CHD5: variants seen among roughly 807,000 people sequenced by gnomAD.
CHD5 encodes ATP-dependent chromatin remodeler CHD5.
Under a neutral mutation model 230.3 loss-of-function variants are expected in CHD5, and 69 were observed. The ratio of observed to expected loss-of-function variants is 0.30; its 90% CI spans 0.25 to 0.37. CHD5 has a LOEUF of 0.37. Ranked by LOEUF, CHD5 falls within the 10% of genes least tolerant of loss-of-function variation. The probability of loss-of-function intolerance (pLI) is 1.00; values close to 1 mark genes in which losing one functional copy is unlikely to be tolerated. For synonymous variants in CHD5, 1,064 were observed against 1,065.9 expected, an observed-to-expected ratio of 1.00 and a Z score of 0.03; for missense variants, 1,827 against 2,622.8, an observed-to-expected ratio of 0.70 and a Z score of 6.63.
intron 3 of CHD5, among the ~76,000 whole-genome samples, chr1:6,157,886 C>A (rs1667104610): frequency 6.6e-6 from 1 of 152,224 alleles, no homozygotes; most frequent in Non-Finnish European, 1.5e-5. Context: ...TCACAACACT[C>A]CACTGACTCA....
Position 6,130,159 on chromosome 1 carries a change from G to A in CHD5, c.3387+45C>T, listed in dbSNP as rs1160661545. The A allele has an allele frequency of 1.2e-6, 2 of 1,609,602 alleles. No homozygotes were observed. Among genetic ancestry groups the A allele is most frequent in the East Asian group, 2.2e-5 (1 of 44,750 alleles). On this transcript the variant is annotated intron_variant, in intron 22 of 41. Transcript: ENST00000262450. This position sits in a 1 kb window ranked among gnomAD's most constrained non-coding sequence, Gnocchi z 4.9. ...AGGACAGAACCTGCCTGAGGCCCGG[G>A]ATGAGAGGCCCCCTGGGAGGGTGGT...
chr1:6,106,826 G>A (rs1666177801), intron 38 of CHD5, 47 bp from the exon 39 acceptor site: 1 of 1,537,850 alleles, frequency 6.5e-7, no homozygotes, highest in Non-Finnish European at 8.8e-7. Flanking sequence ...ATGGAGGGGT[G>A]GAGGGATGGA....
At chr1:6,108,836 G>C (rs569770174) in intron 38 of CHD5, among the ~76,000 whole-genome samples, 95 of 142,374 alleles carry the variant, frequency 6.7e-4, no homozygotes, top group African/African-American at 2.5e-3. Context: ...GAGGGATTGA[G>C]GGGTGAAAGA....
Position 6,125,279 on chromosome 1 carries a change from TG to T in CHD5, c.4261-47del. 4.0e-6 allele frequency: 4 copies of T among 1,001,984 alleles called. No individual in the cohort carries two copies. Among genetic ancestry groups the T allele is most frequent in the South Asian group, 2.0e-5 (1 of 48,872 alleles). 62.1% of individuals were successfully genotyped at this position (1,001,984 alleles called of 1,614,324 possible). A position where few individuals can be genotyped will look rare whatever the true frequency, so the allele number is the denominator to read the frequency against. On this transcript the variant is annotated intron_variant, in intron 28 of 41. Transcript: ENST00000262450. This position sits in a 1 kb window ranked among gnomAD's most constrained non-coding sequence, Gnocchi z 6.7. ...AGTATGAGCCCAGGACAGAGAGGGG[TG>T]GGGGTGGAGGATTCTGGGATGGGGG... is the stretch of plus-strand genomic sequence containing the variant.
At position 6,154,891 on chromosome 1, in the gene CHD5, T is replaced by C; in HGVS notation, c.514A>G (p.Ile172Val). The C allele has an allele frequency of 1.2e-6, 2 of 1,613,350 alleles. No homozygotes were observed. Among genetic ancestry groups the C allele is most frequent in the East Asian group, 2.2e-5 (1 of 44,860 alleles). ...KAFSQFLRPL[I>V]AKKNPKIPMS... ...GGGATCTTCGGGTTCTTCTTGGCAA[T>C]GAGTGGCCTGTAGGGGGAGAGGCAG... The change falls in exon 5 of 42, where the codon ATT becomes GTT. Residue 172 changes from isoleucine (I) to valine (V), a missense_variant. Ile to Val is a conservative substitution (Grantham distance 29). Coordinates refer to ENST00000262450, the MANE Select transcript of CHD5 (RefSeq NM_015557.3). The surrounding 1 kb of genome is among the most constrained non-coding windows in gnomAD (Gnocchi z 7.0).
At chr1:6,179,103 G>A (rs1340514304) in intron 1 of CHD5, among the ~76,000 whole-genome samples, 1 of 152,210 alleles carries the variant, frequency 6.6e-6, no homozygotes, top group African/African-American at 2.4e-5. Context: ...GTCCCGCAAG[G>A]CAACCCCTGG....
In CHD5 at chr1:6,178,977, C is replaced by G. The variant is rs996902210; in HGVS notation, c.79+968G>C. The stretch of plus-strand genomic sequence containing the variant: ...GGCCACAGACTTGGCGCAGGGAAGC[C>G]GAGAAGTAAGAGTCTCCCAGAAAGG... On this transcript the variant is annotated intron_variant, in intron 1 of 41. Coordinates refer to ENST00000262450, the MANE Select transcript of CHD5 (RefSeq NM_015557.3). Among the ~76,000 whole-genome samples, 30 of 152,072 alleles carry G rather than the reference C, an allele frequency of 2.0e-4. 1 individual carries two copies. The highest frequency in any genetic ancestry group is 7.0e-4 in the African/African-American group (29 of 41,400).
chr1:6,152,147 G>A (rs1002022130), intron 6 of CHD5, among the ~76,000 whole-genome samples: 5 of 152,190 alleles, frequency 3.3e-5, no homozygotes, highest in Admixed American at 2.6e-4. Flanking sequence ...TCCCACTCAG[G>A]AGGGTGAGCC....
Position 6,135,220 on chromosome 1 carries a change from C to T in CHD5, c.2870+10G>A, listed in dbSNP as rs1039748102. 1.2e-6 allele frequency: 2 copies of T among 1,613,728 alleles called. No individual in the cohort carries two copies. The highest frequency in any genetic ancestry group is 1.7e-6 in the Non-Finnish European group (2 of 1,179,940). ...AGCACAGGCTGCTCCGGGGTCAGCC[C>T]ATCACTCACTTCTGCATCTGGCTCA... On this transcript the variant is annotated intron_variant, in intron 18 of 41. Transcript: ENST00000262450.
In CHD5 at chr1:6,149,266, T is replaced by G. The variant is rs1032714700; in HGVS notation, c.1141A>C (p.Lys381Gln). ...CTTACACAGTGGGGGCAGCTCCACT[T>G]GCCCTCGGGAGCCTTCTCCAGCTCT... ...DPELEKAPEGKWSCPHCEKEG... is the reference protein window; with the variant it reads ...DPELEKAPEGQWSCPHCEKEG... The change falls in exon 8 of 42, where the codon AAG becomes CAG. Residue 381 changes from lysine (K) to glutamine (Q), a missense_variant. Physicochemically the swap from Lys to Gln is moderately conservative, Grantham distance 53. Transcript: ENST00000262450. 6.2e-7 allele frequency: 1 copy of G among 1,608,736 alleles called. No individual in the cohort carries two copies. Among genetic ancestry groups the G allele is most frequent in the Non-Finnish European group, 8.5e-7 (1 of 1,177,186 alleles).
chr1:6,110,531 G>T lies in CHD5; in HGVS notation c.5250-5C>A. 1 of 1,613,558 alleles carries T rather than the reference G, an allele frequency of 6.2e-7. No individual in the cohort carries two copies. On this transcript the variant is annotated splice_polypyrimidine_tract_variant and splice_region_variant and intron_variant, in intron 36 of 41. Transcript: ENST00000262450. ...TGCCAGCGGGCGTAGCCGTGCCTGG[G>T]TGGGGCACCATTAAGGGCAAACCTG...
chr1:6,146,109 A>T lies in CHD5; in HGVS notation c.1802+103T>A. 3 of 1,174,568 alleles carry T rather than the reference A, an allele frequency of 2.6e-6. No homozygotes were observed. Among genetic ancestry groups the T allele is most frequent in the Non-Finnish European group, 3.7e-6 (3 of 821,408 alleles). The allele number at this position is 1,174,568 out of a possible 1,614,324, so 72.8% of individuals were successfully genotyped here. On this transcript the variant is annotated intron_variant, in intron 11 of 41. Coordinates refer to ENST00000262450, the MANE Select transcript of CHD5 (RefSeq NM_015557.3). This position sits in a 1 kb window ranked among gnomAD's most constrained non-coding sequence, Gnocchi z 5.1. ...ATGTGGTTCTGCACGGCAGCCCCAA[A>T]GCAAGGGCCCTGGCACCCTGCGCTG...
At chr1:6,110,968 G>A (rs1283590944) in intron 36 of CHD5, among the ~76,000 whole-genome samples, 28 of 152,176 alleles carry the variant, frequency 1.8e-4, no homozygotes, top group Non-Finnish European at 3.4e-4. Flanking sequence ...GGTGGCTCGC[G>A]CCTGTAATCC....
intron 1 of CHD5, among the ~76,000 whole-genome samples, chr1:6,170,515 C>T (rs1667320682): frequency 2.0e-5 from 3 of 152,192 alleles, no homozygotes; most frequent in Admixed American, 2.0e-4. Flanking sequence ...GGTGTTTGCA[C>T]CAGTGGAAGG....
intron 12 of CHD5, 40 bp from the exon 13 acceptor site, chr1:6,143,971 C>A: frequency 6.2e-7 from 1 of 1,614,078 alleles, no homozygotes; most frequent in Non-Finnish European, 8.5e-7. Context: ...AAGGCTCAGC[C>A]CAGGAGCAGG....
Position 6,136,582 on chromosome 1 carries a change from G to C in CHD5, c.2631C>G (p.Thr877=). 6.2e-7 allele frequency: 1 copy of C among 1,614,164 alleles called. No homozygotes were observed. The highest frequency in any genetic ancestry group is 8.5e-7 in the Non-Finnish European group (1 of 1,180,026). The change falls in exon 17 of 42, where the codon ACC becomes ACG. Residue 877 remains threonine (T), a synonymous_variant. Coordinates refer to ENST00000262450, the MANE Select transcript of CHD5 (RefSeq NM_015557.3). The part of the protein sequence containing the change: ...KIDYKLLLTG[T]PLQNNLEELF... The stretch of plus-strand genomic sequence containing the variant: ...GCTCCTCCAGGTTGTTCTGAAGGGG[G>C]GTCCCTGTCAGCAGCAGCTTGTAAT...
chr1:6,149,082 G>T lies in CHD5; in HGVS notation c.1162-7C>A, dbSNP rs1024478200. 2.0e-6 allele frequency: 3 copies of T among 1,508,258 alleles called. No individual in the cohort carries two copies. Among genetic ancestry groups the T allele is most frequent in the African/African-American group, 1.4e-5 (1 of 71,930 alleles). 93.4% of individuals were successfully genotyped at this position (1,508,258 alleles called of 1,614,324 possible). On this transcript the variant is annotated splice_polypyrimidine_tract_variant and splice_region_variant and intron_variant, in intron 8 of 41. Coordinates refer to ENST00000262450, the MANE Select transcript of CHD5 (RefSeq NM_015557.3). ...ACTGGATCCCCTCCTTCTCCTGGGG[G>T]AGGAGGCCAGGTGGAGGCACCCTGG...
chr1:6,106,582 G>A (rs1014661236), intron 39 of CHD5, 34 bp downstream of exon 39: 15 of 1,551,880 alleles, frequency 9.7e-6, no homozygotes, highest in Non-Finnish European at 1.3e-5. Context: ...GCACGCCAGG[G>A]GGCTCGGGCC....
intron 1 of CHD5, 86 bp from the exon 2 acceptor site, chr1:6,168,363 G>T: frequency 6.8e-7 from 1 of 1,466,210 alleles, no homozygotes; most frequent in Admixed American, 2.2e-5. Context: ...TGGGGAAGCT[G>T]GGACCCCCAG....
Sources: allele counts gnomAD v4.1 joint callset (sites outside exome capture counted in the v4.1 genomes callset), GRCh38; gene constraint gnomAD v4.1.1; non-coding constraint Gnocchi (gnomAD v3.1); transcripts MANE v1.5; gene names NCBI Gene and HGNC (gene_info 2026-07-23, HGNC 2026-07-21).